STK31: variants seen among roughly 807,000 people sequenced by gnomAD.
The protein encoded by STK31 is serine/threonine-protein kinase 31.
STK31 carries 89 observed loss-of-function variants against 129.7 expected under a neutral mutation model. That is an observed-to-expected ratio of 0.69 (90% CI 0.58 to 0.82). STK31 has a LOEUF of 0.82. Among genes scored for constraint, STK31 ranks in the 40% least tolerant of loss-of-function variants. The pLI is 0.00. For missense variants in STK31, 1,187 were observed against 1,176.4 expected (o/e 1.01, Z -0.13); for synonymous variants, 448 against 395.3 (o/e 1.13, Z -1.58).
intron 10 of STK31, among the ~76,000 whole-genome samples, chr7:23,761,980 A>T (rs1464292431): frequency 6.6e-6 from 1 of 151,432 alleles, no homozygotes; most frequent in African/African-American, 2.4e-5. Flanking sequence ...TTATAGTTTT[A>T]AAATAATCTG....
chr7:23,728,342 T>C (rs1787212488), intron 5 of STK31, among the ~76,000 whole-genome samples: 1 of 152,134 alleles, frequency 6.6e-6, no homozygotes, highest in East Asian at 1.9e-4. Flanking sequence ...AGAAATATTT[T>C]CTTTGGTGTG....
chr7:23,733,040 A>T (rs2128078000), intron 6 of STK31, among the ~76,000 whole-genome samples: 1 of 152,258 alleles, frequency 6.6e-6, no homozygotes, highest in Non-Finnish European at 1.5e-5. Context: ...ATTTATACTG[A>T]TATAATTGAT....
chr7:23,745,879 C>T (rs1425028412), intron 8 of STK31, among the ~76,000 whole-genome samples: 1 of 152,120 alleles, frequency 6.6e-6, no homozygotes, highest in Non-Finnish European at 1.5e-5. Flanking sequence ...TGTTTTGATT[C>T]TGTGGCAGCA....
intron 20 of STK31, 70 bp downstream of exon 20, chr7:23,786,994 G>T: frequency 6.9e-7 from 1 of 1,441,800 alleles, no homozygotes; most frequent in East Asian, 2.3e-5. Flanking sequence ...ATTTATTCAG[G>T]CATACTACAT....
At chr7:23,735,086 G>A (rs1787639492) in intron 6 of STK31, among the ~76,000 whole-genome samples, 1 of 151,858 alleles carries the variant, frequency 6.6e-6, no homozygotes. Flanking sequence ...GGCTTTTTTT[G>A]CTTCTGCTCG....
At chr7:23,828,196 A>C (rs1736349547) in intron 23 of STK31, among the ~76,000 whole-genome samples, 1 of 151,840 alleles carries the variant, frequency 6.6e-6, no homozygotes, top group Admixed American at 6.6e-5. Flanking sequence ...CCAGAGGTGG[A>C]GCCTACAGAG....
At chr7:23,744,250 T>A (rs1047070229) in intron 8 of STK31, among the ~76,000 whole-genome samples, 1 of 151,734 alleles carries the variant, frequency 6.6e-6, no homozygotes, top group Non-Finnish European at 1.5e-5. Context: ...AGCTTTGGAA[T>A]GTATTTTGTA....
rs773194949 is a variant in STK31, at chr7:23,752,749, C to G, written c.1050C>G (p.Asn350Lys). 1 of 1,613,558 alleles carries G rather than the reference C, an allele frequency of 6.2e-7. No homozygotes were observed. The highest frequency in any genetic ancestry group is 8.5e-7 in the Non-Finnish European group (1 of 1,179,750). ...AGGCAGCTGCTGTGGATTTGACTAA[C>G]CACTTAGAATACACTCTGAAGACCT... ...QEKAAAVDLT[N>K]HLEYTLKTYI... is the part of the protein sequence containing the mutation. Residue 350 changes from asparagine (N) to lysine (K), a missense_variant, in exon 9 of 24, where the codon AAC (asparagine) becomes AAG (lysine). By Grantham distance (94) the Asn-to-Lys change is moderately conservative. Transcript: ENST00000355870.
At chr7:23,823,115 A>G (rs917113655) in intron 23 of STK31, among the ~76,000 whole-genome samples, 2 of 152,198 alleles carry the variant, frequency 1.3e-5, no homozygotes, top group African/African-American at 4.8e-5. Flanking sequence ...TATACCCAGT[A>G]ATGGGATGGC....
chr7:23,713,069 A>G (rs1039826988), intron 3 of STK31, among the ~76,000 whole-genome samples: 1 of 152,144 alleles, frequency 6.6e-6, no homozygotes. Context: ...TGCATCACTT[A>G]ATGACTGGGA....
At chr7:23,714,386 A>G (rs1786170509) in intron 3 of STK31, among the ~76,000 whole-genome samples, 1 of 152,174 alleles carries the variant, frequency 6.6e-6, no homozygotes, top group South Asian at 2.1e-4. Flanking sequence ...CAGAAACATC[A>G]TTTATCAGTG....
intron 22 of STK31, among the ~76,000 whole-genome samples, chr7:23,801,841 T>C (rs908792869): frequency 2.0e-5 from 3 of 152,158 alleles, no homozygotes; most frequent in African/African-American, 7.2e-5. Context: ...CAGAAATAAA[T>C]CGGCCATTTT....
At chr7:23,783,298 C>G (rs571528690) in intron 16 of STK31, among the ~76,000 whole-genome samples, 1 of 152,298 alleles carries the variant, frequency 6.6e-6, no homozygotes, top group East Asian at 1.9e-4. Context: ...TGCTAAGTTA[C>G]ATTTTCAGTC....
chr7:23,710,585 C>T (rs1037886480), intron 1 of STK31: 1 of 1,356,620 alleles, frequency 7.4e-7, no homozygotes, highest in African/African-American at 1.5e-5. Context: ...GCAGCCTCCA[C>T]ACTCTCTTCC....
chr7:23,827,520 ACTT>A (rs1396146205), intron 23 of STK31, among the ~76,000 whole-genome samples: 1 of 151,428 alleles, frequency 6.6e-6, no homozygotes, highest in African/African-American at 2.4e-5. Context: ...AAAGTTTTTA[ACTT>A]CTTTGCCATT....
chr7:23,823,145 A>G (rs1793894675), intron 23 of STK31, among the ~76,000 whole-genome samples: 1 of 152,186 alleles, frequency 6.6e-6, no homozygotes, highest in Non-Finnish European at 1.5e-5. Flanking sequence ...TGGTATTTCT[A>G]GTTCTAGATC....
At chr7:23,727,556 C>CTTTTTTTTTTTTTTTTTTTTTTTT in intron 5 of STK31, 1 of 125,358 alleles carries the variant, frequency 8.0e-6, no homozygotes, top group Non-Finnish European at 1.3e-5. Context: ...TACCTCAGTT[C>CTTTTTTTTTTTTTTTTTTTTTTTT]TTTTTTTTTT....
intron 11 of STK31, 140 bp downstream of exon 11, chr7:23,763,063 T>A: frequency 1.4e-6 from 1 of 713,816 alleles, no homozygotes; most frequent in Non-Finnish European, 2.1e-6. Context: ...GATTTCTTTT[T>A]AATGGGATTA....
chr7:23,799,496 AG>A (rs1188056821), intron 22 of STK31, among the ~76,000 whole-genome samples: 1 of 152,226 alleles, frequency 6.6e-6, no homozygotes, highest in African/African-American at 2.4e-5. Context: ...CAATGGGGAA[AG>A]GATTCCCTAT....
Sources: allele counts gnomAD v4.1 joint callset (sites outside exome capture counted in the v4.1 genomes callset), GRCh38; gene constraint gnomAD v4.1.1; transcripts MANE v1.5; gene names NCBI Gene and HGNC (gene_info 2026-07-23, HGNC 2026-07-21).